NUF2: variants seen among roughly 807,000 people sequenced by gnomAD.
NUF2 encodes kinetochore protein Nuf2.
A neutral mutation model predicts 61.8 loss-of-function variants in NUF2; 34 were observed. The observed-to-expected ratio is 0.55, with a 90% CI of 0.42 to 0.73. The LOEUF (loss-of-function observed/expected upper bound fraction) is 0.73. Ranked by LOEUF, NUF2 falls within the 30% of genes least tolerant of loss-of-function variation. The pLI is 0.00. For synonymous variants in NUF2, 172 were observed against 181.6 expected, an observed-to-expected ratio of 0.95 and a Z score of 0.42; for missense variants, 445 against 539.1, an observed-to-expected ratio of 0.83 and a Z score of 1.73.
intron 1 of NUF2, among the ~76,000 whole-genome samples, chr1:163,323,527 T>C (rs1199100279): frequency 6.6e-6 from 1 of 152,086 alleles, no homozygotes; most frequent in Admixed American, 6.5e-5. Context: ...AAGACCAGAC[T>C]GGGCAACATA....
rs537297327 is a variant in NUF2, at chr1:163,348,805, CCTTTG to C, written c.1125-135_1125-131del. 6.8e-4 allele frequency: 561 copies of C among 823,246 alleles called. No individual in the cohort carries two copies. In the African/African-American group the frequency reaches 8.9e-3, roughly 13 times the overall value. 51.0% of individuals were successfully genotyped at this position (823,246 alleles called of 1,614,324 possible). On this transcript the variant is annotated intron_variant, in intron 12 of 13. Coordinates refer to ENST00000271452, the MANE Select transcript of NUF2 (RefSeq NM_145697.3). The stretch of plus-strand genomic sequence containing the variant: ...AGTACCACACTTTGGGGTTTTCATT[CCTTTG>C]CTTTTATATCTTGAGAAGAGTTTTA...
intron 13 of NUF2, among the ~76,000 whole-genome samples, chr1:163,353,490 G>A (rs7516947): frequency 0.59 from 89,122 of 151,960 alleles, 26,556 homozygotes; most frequent in South Asian, 0.68. Context: ...GCAACTGAGG[G>A]ACTGAATTTT....
At chr1:163,339,524 G>T (rs761168571) in intron 8 of NUF2, 47 bp downstream of exon 8, 60 of 1,127,220 alleles carry the variant, frequency 5.3e-5, no homozygotes, top group Non-Finnish European at 7.5e-5. Flanking sequence ...AAATTTGTTT[G>T]TAGATGTGGT....
chr1:163,334,950 TTG>T (rs202178107), intron 5 of NUF2, among the ~76,000 whole-genome samples: 2 of 147,822 alleles, frequency 1.4e-5, no homozygotes, highest in Non-Finnish European at 3.0e-5. Flanking sequence ...TTGTCTTGTT[TTG>T]TTTTTTTTGT....
At position 163,348,964 on chromosome 1, in the gene NUF2, G is replaced by T. The variant is rs760423704; in HGVS notation, c.1144G>T (p.Glu382Ter). Residue 382 changes from glutamate (E) to a stop codon, truncating the protein, a stop_gained, in exon 13 of 14, where the codon GAA becomes TAA. Transcript: ENST00000271452. LOFTEE classifies it high-confidence loss of function. ...TTTCAGGGATTGCAATAAAGTTCAA[G>T]AAAAAAGAGGTGCTGTCTATGAACG... The part of the protein sequence containing the change: ...TVIEDCNKVQ[E>*]KRGAVYERVT... 6.2e-7 allele frequency: 1 copy of T among 1,603,268 alleles called. No individual in the cohort carries two copies.
intron 5 of NUF2, among the ~76,000 whole-genome samples, chr1:163,335,093 A>G (rs1003972579): frequency 2.0e-5 from 3 of 152,186 alleles, no homozygotes; most frequent in Admixed American, 2.0e-4. Flanking sequence ...AGCTGGGACT[A>G]CAGGTGCATG....
At chr1:163,324,252 T>G (rs961539280) in intron 1 of NUF2, among the ~76,000 whole-genome samples, 1 of 152,240 alleles carries the variant, frequency 6.6e-6, no homozygotes, top group African/African-American at 2.4e-5. Flanking sequence ...CAGAGATTAA[T>G]ATATTCTATT....
At chr1:163,339,890 A>G (rs928948992) in intron 8 of NUF2, among the ~76,000 whole-genome samples, 1 of 152,146 alleles carries the variant, frequency 6.6e-6, no homozygotes, top group Non-Finnish European at 1.5e-5. Flanking sequence ...TTTTGGTCAC[A>G]TTCCTTTCAT....
intron 9 of NUF2, among the ~76,000 whole-genome samples, chr1:163,340,902 A>G (rs559078223): frequency 2.6e-5 from 4 of 152,296 alleles, no homozygotes; most frequent in African/African-American, 9.6e-5. Flanking sequence ...ATTTTTTGCT[A>G]TTAAACAGAA....
rs1465783589 is a variant in NUF2 at position 163,339,565 on chromosome 1, C to T, written c.606+88C>T. On this transcript the variant is annotated intron_variant, in intron 8 of 13. Transcript: ENST00000271452. ...ATATAGTGGAGGTAACAGCACATTG[C>T]TTTCTCTATTACCAAAGAAACAGAA... The T allele has an allele frequency of 8.2e-6, 6 of 727,414 alleles. 1 individual carries two copies. The South Asian group carries it at 1.0e-4, about 12-fold the overall frequency. 45.1% of individuals were successfully genotyped at this position (727,414 alleles called of 1,614,324 possible). A position where few individuals can be genotyped will look rare whatever the true frequency, so the allele number is the denominator to read the frequency against.
At chr1:163,339,505 T>C (rs777442346) in intron 8 of NUF2, 28 bp downstream of exon 8, 4 of 1,421,994 alleles carry the variant, frequency 2.8e-6, no homozygotes, top group Non-Finnish European at 4.0e-6. Flanking sequence ...CCTTAAACTT[T>C]AAAAAACAAA....
At chr1:163,326,787 C>T (rs1172251350) in intron 2 of NUF2, among the ~76,000 whole-genome samples, 2 of 150,930 alleles carry the variant, frequency 1.3e-5, no homozygotes, top group African/African-American at 2.4e-5. Flanking sequence ...TCACTACCCT[C>T]TTTGATTCTC....
At chr1:163,347,196 G>A (rs543307437) in intron 11 of NUF2, among the ~76,000 whole-genome samples, 16 of 152,152 alleles carry the variant, frequency 1.1e-4, no homozygotes, top group Admixed American at 2.0e-4. Context: ...AGCTAAGGGC[G>A]GTTTCTCAGG....
At chr1:163,323,867 CAAA>C (rs1044835568) in intron 1 of NUF2, among the ~76,000 whole-genome samples, 1 of 148,780 alleles carries the variant, frequency 6.7e-6, no homozygotes, top group Non-Finnish European at 1.5e-5. Context: ...AGATGGTGAC[CAAA>C]AAAAAAGAGA....
Position 163,349,091 on chromosome 1 carries a change from GT to G in NUF2, c.1260+13del. On this transcript the variant is annotated intron_variant, in intron 13 of 13. Coordinates refer to ENST00000271452, the MANE Select transcript of NUF2 (RefSeq NM_145697.3). ...AAACTGAAGTCCCAGGTGAATATGT[GT>G]TCATAAGAAGTTAATTTCAAATAAT... 6.3e-7 allele frequency: 1 copy of G among 1,585,788 alleles called. No individual in the cohort carries two copies. The highest frequency in any genetic ancestry group is 8.5e-7 in the Non-Finnish European group (1 of 1,172,388).
At chr1:163,330,556 T>C (rs1237730354) in intron 5 of NUF2, among the ~76,000 whole-genome samples, 1 of 152,128 alleles carries the variant, frequency 6.6e-6, no homozygotes, top group Non-Finnish European at 1.5e-5. Context: ...TTTGCATCTC[T>C]ATATGTATTT....
At position 163,332,424 on chromosome 1, in the gene NUF2, G is replaced by A. The variant is rs113314836; in HGVS notation, c.337+3517G>A. Among the ~76,000 whole-genome samples, 197 of 152,196 alleles carry A rather than the reference G, an allele frequency of 1.3e-3. 1 individual carries two copies. Among genetic ancestry groups the A allele is most frequent in the African/African-American group, 4.2e-3 (174 of 41,538 alleles). On this transcript the variant is annotated intron_variant, in intron 5 of 13. Coordinates refer to ENST00000271452, the MANE Select transcript of NUF2 (RefSeq NM_145697.3). The stretch of plus-strand genomic sequence containing the variant: ...TGGTCTATATTTGTTCACTATGGTG[G>A]CTGTAATAAATCACCACAAACTTGG...
chr1:163,335,618 C>T (rs926599953), intron 5 of NUF2, among the ~76,000 whole-genome samples: 4 of 151,884 alleles, frequency 2.6e-5, no homozygotes, highest in South Asian at 2.1e-4. Context: ...CACCCCTGCC[C>T]GCCATTTACG....
intron 5 of NUF2, among the ~76,000 whole-genome samples, chr1:163,329,541 G>C (rs1219292716): frequency 6.6e-6 from 1 of 152,148 alleles, no homozygotes; most frequent in Non-Finnish European, 1.5e-5. Context: ...TGGAAGCTTA[G>C]TCATGACAGA....
Sources: allele counts gnomAD v4.1 joint callset (sites outside exome capture counted in the v4.1 genomes callset), GRCh38; gene constraint gnomAD v4.1.1; transcripts MANE v1.5; gene names NCBI Gene and HGNC (gene_info 2026-07-23, HGNC 2026-07-21).